The following CYP27C1 variants were observed in gnomAD, a reference collection of about 807,000 sequenced individuals.
CYP27C1 encodes cytochrome P450 family 27 subfamily C member 1.
In CYP27C1, 29 loss-of-function variants were observed where a neutral mutation model predicts 40.6. That is an observed-to-expected ratio of 0.71 (90% CI 0.53 to 0.97). CYP27C1 has a LOEUF of 0.97. Among genes scored for constraint, CYP27C1 ranks in the 50% least tolerant of loss-of-function variants. The pLI is 0.00. For missense variants in CYP27C1, 390 were observed against 485.8 expected, an observed-to-expected ratio of 0.80 and a Z score of 1.85; for synonymous variants, 198 against 186.8, an observed-to-expected ratio of 1.06 and a Z score of -0.49.
Position 127,219,817 on chromosome 2 carries a change from C to T in CYP27C1, c.282+172G>A, listed in dbSNP as rs1055753491. ...TTCCTGCGAACCTTAACCGGACAAC[C>T]CCAGTCCAGCTCCCCCAACCCACCG... On this transcript the variant is annotated intron_variant, in intron 1 of 8. Coordinates refer to ENST00000664447, the MANE Select transcript of CYP27C1 (RefSeq NM_001367502.1). This position sits in a 1 kb window ranked among gnomAD's most constrained non-coding sequence, Gnocchi z 8.7. 2.0e-5 allele frequency among the ~76,000 whole-genome samples: 3 copies of T among 151,706 alleles called. No homozygotes were observed. The highest frequency in any genetic ancestry group is 2.9e-5 in the Non-Finnish European group (2 of 67,836).
rs546248088 is a variant in CYP27C1 at position 127,185,259 on chromosome 2, C to G, written c.*2012G>C. The G allele has an allele frequency of 6.6e-6, 1 of 152,400 alleles. No homozygotes were observed. The highest frequency in any genetic ancestry group is 6.5e-5 in the Admixed American group (1 of 15,292). The allele number at this position is 152,400 out of a possible 1,614,324, so 9.4% of individuals were successfully genotyped here. ...GCGCCCTGCACTTCCTGCTACATCA[C>G]ACCAGGAGGCCCCCGTGTCTGGCTG... On this transcript the variant is annotated 3_prime_UTR_variant, in exon 9 of 9. Transcript: ENST00000664447. This position sits in a 1 kb window ranked among gnomAD's most constrained non-coding sequence, Gnocchi z 4.9.
At chr2:127,203,654 T>C in intron 2 of CYP27C1, 83 bp from the exon 3 acceptor site, 1 of 1,457,172 alleles carries the variant, frequency 6.9e-7, no homozygotes, top group Non-Finnish European at 9.3e-7. Flanking sequence ...AGAAAAAATT[T>C]CAGCCATAAA....
chr2:127,203,229 C>T (rs553143804), intron 3 of CYP27C1, 143 bp downstream of exon 3: 5 of 881,920 alleles, frequency 5.7e-6, no homozygotes, highest in Admixed American at 2.6e-5. Flanking sequence ...ACCAGGTTCA[C>T]GTTAGCACCG....
rs1682886113 is a variant in CYP27C1 at position 127,195,640 on chromosome 2, G to A, written c.1048-139C>T. On this transcript the variant is annotated intron_variant, in intron 5 of 8. Coordinates refer to ENST00000664447, the MANE Select transcript of CYP27C1 (RefSeq NM_001367502.1). This position sits in a 1 kb window ranked among gnomAD's most constrained non-coding sequence, Gnocchi z 6.2. ...CATCCAATTCCATATAGCACCTAAT[G>A]TCTTACTAAAAACGAAAGACTGTTT... 2.8e-6 allele frequency: 2 copies of A among 720,068 alleles called. No individual in the cohort carries two copies. Among genetic ancestry groups the A allele is most frequent in the South Asian group, 4.7e-5 (2 of 42,516 alleles). The allele number at this position is 720,068 out of a possible 1,614,324, so 44.6% of individuals were successfully genotyped here. A position where few individuals can be genotyped will look rare whatever the true frequency, so the allele number is the denominator to read the frequency against.
At chr2:127,204,038 G>A (rs1456049938) in intron 2 of CYP27C1, among the ~76,000 whole-genome samples, 1 of 151,846 alleles carries the variant, frequency 6.6e-6, no homozygotes, top group African/African-American at 2.4e-5. Context: ...GCCAAGATGG[G>A]TGGATCACCT....
intron 6 of CYP27C1, among the ~76,000 whole-genome samples, chr2:127,194,956 A>G (rs13001833): frequency 6.6e-6 from 1 of 151,440 alleles, no homozygotes; most frequent in Non-Finnish European, 1.5e-5. Context: ...CAGCCTCCCA[A>G]GTAGCTGGGA....
At chr2:127,197,948 GCA>G (rs1490867780) in intron 5 of CYP27C1, among the ~76,000 whole-genome samples, 6 of 152,006 alleles carry the variant, frequency 3.9e-5, no homozygotes, top group Admixed American at 2.0e-4. Context: ...CTCTGTGTTC[GCA>G]CAGTCACGGA....
At position 127,195,583 on chromosome 2, in the gene CYP27C1, C is replaced by A. The variant is rs1197339268; in HGVS notation, c.1048-82G>T. ...CAGAGGCGGTGGCAGGTAGGAAGTC[C>A]CCTGGGAATACACACAGCACAAAGT... On this transcript the variant is annotated intron_variant, in intron 5 of 8. Coordinates refer to ENST00000664447, the MANE Select transcript of CYP27C1 (RefSeq NM_001367502.1). The surrounding 1 kb of genome is among the most constrained non-coding windows in gnomAD (Gnocchi z 6.2). 7.0e-7 allele frequency: 1 copy of A among 1,437,978 alleles called. No individual in the cohort carries two copies. The highest frequency in any genetic ancestry group is 1.4e-5 in the African/African-American group (1 of 70,674). The allele number at this position is 1,437,978 out of a possible 1,614,324, so 89.1% of individuals were successfully genotyped here.
intron 2 of CYP27C1, among the ~76,000 whole-genome samples, chr2:127,204,485 A>AAAGAAAGAAAGAAAGAAAGAAAGAAAGG: frequency 1.7e-5 from 1 of 60,208 alleles, no homozygotes; most frequent in East Asian, 8.0e-4. Flanking sequence ...AGAAAGAAAG[A>AAAGAAAGAAAGAAAGAAAGAAAGAAAGG]AAGGAAGGAA....
In CYP27C1 at chr2:127,203,579, A is replaced by G. The variant is rs1342153147; in HGVS notation, c.474-8T>C. 1 of 1,602,898 alleles carries G rather than the reference A, an allele frequency of 6.2e-7. No homozygotes were observed. Among genetic ancestry groups the G allele is most frequent in the South Asian group, 1.1e-5 (1 of 87,776 alleles). The stretch of plus-strand genomic sequence containing the variant: ...AGCCACTGTTCACCCTCCCTAGAAG[A>G]ATCAAGTGAGTTTCAAATCATCTTA... On this transcript the variant is annotated splice_polypyrimidine_tract_variant and splice_region_variant and intron_variant, in intron 2 of 8. Coordinates refer to ENST00000664447, the MANE Select transcript of CYP27C1 (RefSeq NM_001367502.1).
chr2:127,201,201 G>A lies in CYP27C1; in HGVS notation c.804C>T (p.Ala268=), dbSNP rs1477322367. The A allele has an allele frequency of 5.6e-6, 9 of 1,614,092 alleles. No individual in the cohort carries two copies. The highest frequency in any genetic ancestry group is 5.0e-5 in the Admixed American group (3 of 60,010). The change falls in exon 4 of 9, where the codon GCC becomes GCT. Residue 268 remains alanine, a synonymous_variant. Coordinates refer to ENST00000664447, the MANE Select transcript of CYP27C1 (RefSeq NM_001367502.1). The surrounding 1 kb of genome is among the most constrained non-coding windows in gnomAD (Gnocchi z 6.0). ...SMFKTSMYAG[A]IPRWLRPFIP... ...TGAAGGGGCGAAGCCATCTGGGGAT[G>A]GCGCCTGCATACATGGAGGTCTTGA... is the stretch of plus-strand genomic sequence containing the variant.
intron 1 of CYP27C1, among the ~76,000 whole-genome samples, chr2:127,216,074 C>T (rs976693465): frequency 6.6e-6 from 1 of 152,122 alleles, no homozygotes; most frequent in African/African-American, 2.4e-5. Context: ...AATCAGAACC[C>T]TCTTATGATA....
intron 3 of CYP27C1, 99 bp downstream of exon 3, chr2:127,203,273 C>G (rs1209757459): frequency 7.3e-7 from 1 of 1,377,490 alleles, no homozygotes. Flanking sequence ...CCAGACTTAG[C>G]ACACTGCCTG....
At chr2:127,191,214 T>C (rs891184671) in intron 8 of CYP27C1, among the ~76,000 whole-genome samples, 4 of 152,102 alleles carry the variant, frequency 2.6e-5, no homozygotes, top group Non-Finnish European at 5.9e-5. Context: ...CACTGCACTC[T>C]AGCCTGGCGA....
intron 8 of CYP27C1, among the ~76,000 whole-genome samples, chr2:127,188,661 C>T (rs561707855): frequency 3.4e-5 from 5 of 145,614 alleles, no homozygotes; most frequent in Non-Finnish European, 7.4e-5. Flanking sequence ...TTGGTTCGTA[C>T]CTTTGATTCC....
rs916405246 is a variant in CYP27C1, at chr2:127,199,393, G to T, written c.1030C>A (p.Leu344Met). The change falls in exon 5 of 9, where the codon CTG becomes ATG. Residue 344 changes from leucine to methionine, a missense_variant. By Grantham distance (15) the Leu-to-Met change is conservative. Transcript: ENST00000664447. ...AGACTCACCGTGTCGACGCCGGCCA[G>T]CAGCATCTCAGTCACGTTGGCGTAG... Reference protein sequence around the residue: ...EIYANVTEMLLAGVDTTSFTL... With the variant: ...EIYANVTEMLMAGVDTTSFTL... 6.2e-7 allele frequency: 1 copy of T among 1,613,984 alleles called. No homozygotes were observed. The highest frequency in any genetic ancestry group is 8.5e-7 in the Non-Finnish European group (1 of 1,179,978).
rs1558931522 is a variant in CYP27C1 at position 127,204,605 on chromosome 2, G to GC, written c.474-1035_474-1034insG. On this transcript the variant is annotated intron_variant, in intron 2 of 8. Coordinates refer to ENST00000664447, the MANE Select transcript of CYP27C1 (RefSeq NM_001367502.1). ...AGAAAGAAAGAAAGAAAGAAAGAAAGAAAGAAAGAAAGAAAGAAAGAAGAC... is the reference window on the plus strand; with the variant it reads ...AGAAAGAAAGAAAGAAAGAAAGAAAGCAAAGAAAGAAAGAAAGAAAGAAGAC... Among the ~76,000 whole-genome samples the GC allele has an allele frequency of 1.1e-3, 111 of 101,760 alleles. 1 individual carries two copies. Among genetic ancestry groups the GC allele is most frequent in the African/African-American group, 4.2e-3 (105 of 25,186 alleles). 66.8% of individuals were successfully genotyped at this position (101,760 alleles called of 152,430 possible).
chr2:127,212,944 G>C (rs1442596871), intron 1 of CYP27C1, among the ~76,000 whole-genome samples: 1 of 152,084 alleles, frequency 6.6e-6, no homozygotes, highest in Non-Finnish European at 1.5e-5. Context: ...AAAACTTCTT[G>C]AACTGATAAG....
intron 6 of CYP27C1, 110 bp from the exon 7 acceptor site, chr2:127,193,977 T>A: frequency 8.3e-7 from 1 of 1,198,596 alleles, no homozygotes; most frequent in Non-Finnish European, 1.2e-6. Context: ...TCTTAAAAAG[T>A]AACACATGGT....
Sources: allele counts gnomAD v4.1 joint callset (sites outside exome capture counted in the v4.1 genomes callset), GRCh38; gene constraint gnomAD v4.1.1; non-coding constraint Gnocchi (gnomAD v3.1); transcripts MANE v1.5; gene names NCBI Gene and HGNC (gene_info 2026-07-23, HGNC 2026-07-21).